The following XKR7 variants were observed in gnomAD, a reference collection of about 807,000 sequenced individuals.
XKR7 encodes XK-related protein 7.
Under a neutral mutation model 42.2 loss-of-function variants are expected in XKR7, and 11 were observed. The observed-to-expected ratio is 0.26, with a 90% CI of 0.16 to 0.43. XKR7 has a LOEUF of 0.43. Ranked by LOEUF, XKR7 falls within the 20% of genes least tolerant of loss-of-function variation. XKR7 has a pLI of 1.00. For missense variants in XKR7, 710 were observed against 802.2 expected (o/e 0.89, Z 1.39); for synonymous variants, 346 against 366.4 (o/e 0.94, Z 0.64).
Position 31,997,806 on chromosome 20 carries a change from G to A in XKR7, c.*349G>A, listed in dbSNP as rs2064602966. The A allele has an allele frequency of 3.4e-6, 1 of 291,098 alleles. No individual in the cohort carries two copies. The highest frequency in any genetic ancestry group is 6.5e-6 in the Non-Finnish European group (1 of 154,726). The allele number at this position is 291,098 out of a possible 1,614,324, so 18.0% of individuals were successfully genotyped here. A position where few individuals can be genotyped will look rare whatever the true frequency, so the allele number is the denominator to read the frequency against. On this transcript the variant is annotated 3_prime_UTR_variant, in exon 3 of 3. Transcript: ENST00000562532. The stretch of plus-strand genomic sequence containing the variant: ...GCCCCTGCTGGACTTGCCAGAGAAA[G>A]GGCACTGTCTGGGGTCCATGACCTA...
rs1334151588 is a variant in XKR7 at position 31,995,224 on chromosome 20, G to A, written c.741G>A (p.Gln247=). Residue 247 remains glutamine, a synonymous_variant, in exon 2 of 3, where the codon CAG becomes CAA. Transcript: ENST00000562532. The surrounding 1 kb of genome is among the most constrained non-coding windows in gnomAD (Gnocchi z 4.1). ...GCAGCGCGCCGCAGCTAGTGCTGCA[G>A]CTCAGCCTGCTGGTGCACCGCGGTG... ...FLRSAPQLVL[Q]LSLLVHRGGA... is the part of the protein sequence containing the mutation. 7 of 1,543,256 alleles carry A rather than the reference G, an allele frequency of 4.5e-6. No individual in the cohort carries two copies. Among genetic ancestry groups the A allele is most frequent in the Non-Finnish European group, 6.1e-6 (7 of 1,146,296 alleles).
rs1286078892 is a variant in XKR7 at position 31,968,966 on chromosome 20, G to C, written c.584+207G>C. On this transcript the variant is annotated intron_variant, in intron 1 of 2. Transcript: ENST00000562532. This position sits in a 1 kb window ranked among gnomAD's most constrained non-coding sequence, Gnocchi z 4.5. ...GCCCTGACCAACCCCAGTGCCATCC[G>C]GTCTGACCTGGCCTTCGAGAGGGGA... 6.7e-6 allele frequency among the ~76,000 whole-genome samples: 1 copy of C among 150,370 alleles called. No homozygotes were observed. The highest frequency in any genetic ancestry group is 1.5e-5 in the Non-Finnish European group (1 of 67,650).
At chr20:31,981,644 AT>A (rs2064513537) in intron 1 of XKR7, among the ~76,000 whole-genome samples, 1 of 152,106 alleles carries the variant, frequency 6.6e-6, no homozygotes, top group South Asian at 2.1e-4. Flanking sequence ...GTGAGCCGAA[AT>A]CGTGCCACTG....
Position 31,997,521 on chromosome 20 carries a change from C to A in XKR7, c.*64C>A. On this transcript the variant is annotated 3_prime_UTR_variant, in exon 3 of 3. Coordinates refer to ENST00000562532, the MANE Select transcript of XKR7 (RefSeq NM_001011718.2). ...ATCCCACATCCGCCGCAGTGTTGTG[C>A]CCCGAATTTCAGGGCCACCAGGCTA... 6.9e-7 allele frequency: 1 copy of A among 1,453,608 alleles called. No individual in the cohort carries two copies. The highest frequency in any genetic ancestry group is 9.2e-7 in the Non-Finnish European group (1 of 1,086,092). The allele number at this position is 1,453,608 out of a possible 1,614,324, so 90.0% of individuals were successfully genotyped here. A position where few individuals can be genotyped will look rare whatever the true frequency, so the allele number is the denominator to read the frequency against.
In XKR7 at chr20:31,997,744, T is replaced by C. The variant is rs74872036; in HGVS notation, c.*287T>C. 6.4e-4 allele frequency: 266 copies of C among 416,240 alleles called. 2 individuals carry two copies. The highest frequency in any genetic ancestry group is 4.5e-3 in the African/African-American group (229 of 50,388). The allele number at this position is 416,240 out of a possible 1,614,324, so 25.8% of individuals were successfully genotyped here. ...CGAGCTGCCCTGCTTTCATGGGGCC[T>C]CCACACCTCTCCCCTGCCTGGCGTT... On this transcript the variant is annotated 3_prime_UTR_variant, in exon 3 of 3. Transcript: ENST00000562532.
rs1484780899 is a variant in XKR7, at chr20:32,002,628, G to A, written c.*5171G>A. 1 of 152,062 alleles carries A rather than the reference G, an allele frequency of 6.6e-6. No homozygotes were observed. The highest frequency in any genetic ancestry group is 1.5e-5 in the Non-Finnish European group (1 of 68,024). 9.4% of individuals were successfully genotyped at this position (152,062 alleles called of 1,614,324 possible). A position where few individuals can be genotyped will look rare whatever the true frequency, so the allele number is the denominator to read the frequency against. ...CTTCCCTGAGGATCCTGTGGTTTAG[G>A]AGATTTTTCTCCCAAACCAGCCTCA... On this transcript the variant is annotated 3_prime_UTR_variant, in exon 3 of 3. Transcript: ENST00000562532.
chr20:31,996,852 C>T lies in XKR7; in HGVS notation c.1135C>T (p.Arg379Cys), dbSNP rs777703586. 9 of 1,613,622 alleles carry T rather than the reference C, an allele frequency of 5.6e-6. No individual in the cohort carries two copies. The highest frequency in any genetic ancestry group is 1.3e-5 in the African/African-American group (1 of 74,904). The change falls in exon 3 of 3, where the codon CGC becomes TGC. Residue 379 changes from arginine (R) to cysteine (C), a missense_variant. By Grantham distance (180) the Arg-to-Cys change is radical. This residue lies in a region of XKR7 where 708 missense variants were observed against 786.2 expected (regional missense o/e 0.90). Transcript: ENST00000562532. ...CTGCTGGTTCAACGTCAAGGAGGGCCGCAGCCGCCGCCGCATGACCCTCTA... is the reference window on the plus strand; with the variant it reads ...CTGCTGGTTCAACGTCAAGGAGGGCTGCAGCCGCCGCCGCATGACCCTCTA... ...IFCWFNVKEG[R>C]SRRRMTLYHC...
At chr20:31,982,169 A>C (rs1293893440) in intron 1 of XKR7, among the ~76,000 whole-genome samples, 1 of 152,162 alleles carries the variant, frequency 6.6e-6, no homozygotes, top group Non-Finnish European at 1.5e-5. Flanking sequence ...TCTGTCTTGC[A>C]CACCATTGTG....
chr20:31,996,421 A>T, intron 2 of XKR7, 84 bp from the exon 3 acceptor site: 1 of 1,033,372 alleles, frequency 9.7e-7, no homozygotes, highest in South Asian at 1.9e-5. Context: ...CCAGCTCCTG[A>T]CCCAGAACCC....
chr20:31,993,719 G>A (rs12481016), intron 1 of XKR7, among the ~76,000 whole-genome samples: 13,266 of 152,212 alleles, frequency 0.087, 611 homozygotes, highest in Middle Eastern at 0.14. Context: ...CACAGCATGG[G>A]GGAGATGTGC....
chr20:31,968,219 A>G lies in XKR7; in HGVS notation c.44A>G (p.Asp15Gly). 3 of 1,161,592 alleles carry G rather than the reference A, an allele frequency of 2.6e-6. No individual in the cohort carries two copies. Among genetic ancestry groups the G allele is most frequent in the Non-Finnish European group, 3.2e-6 (3 of 942,706 alleles). The allele number at this position is 1,161,592 out of a possible 1,614,324, so 72.0% of individuals were successfully genotyped here. A position where few individuals can be genotyped will look rare whatever the true frequency, so the allele number is the denominator to read the frequency against. Residue 15 changes from aspartate (D) to glycine (G), a missense_variant, in exon 1 of 3, where the codon GAC becomes GGC. This residue lies in a region of XKR7 where 708 missense variants were observed against 786.2 expected (regional missense o/e 0.90). Coordinates refer to ENST00000562532, the MANE Select transcript of XKR7 (RefSeq NM_001011718.2). This position sits in a 1 kb window ranked among gnomAD's most constrained non-coding sequence, Gnocchi z 4.5. The part of the protein sequence containing the change: ...SDGAAASASP[D>G]PEGAAGGARG... ...GGAGCGGCGGCCTCGGCCAGCCCGG[A>G]CCCGGAGGGGGCTGCCGGTGGAGCC...
rs1412041280 is a variant in XKR7 at position 31,997,413 on chromosome 20, G to A, written c.1696G>A (p.Val566Met). Residue 566 changes from valine to methionine, a missense_variant, in exon 3 of 3, where the codon GTG becomes ATG. Physicochemically the swap from Val to Met is conservative, Grantham distance 21. Transcript: ENST00000562532. ...CACGCCCCGGTTGCAGTACCGGAGTGTGGGGACTTCCCAGGAGCTGCTGGA... is the reference window on the plus strand; with the variant it reads ...CACGCCCCGGTTGCAGTACCGGAGTATGGGGACTTCCCAGGAGCTGCTGGA... ...PATPRLQYRS[V>M]GTSQELLEYE... 3 of 1,599,292 alleles carry A rather than the reference G, an allele frequency of 1.9e-6. No individual in the cohort carries two copies. The South Asian group carries it at 3.3e-5, about 18-fold the overall frequency.
At position 31,995,367 on chromosome 20, in the gene XKR7, C is replaced by T; in HGVS notation, c.787+97C>T. 1 of 1,509,046 alleles carries T rather than the reference C, an allele frequency of 6.6e-7. No individual in the cohort carries two copies. Among genetic ancestry groups the T allele is most frequent in the Non-Finnish European group, 8.8e-7 (1 of 1,135,044 alleles). 93.5% of individuals were successfully genotyped at this position (1,509,046 alleles called of 1,614,324 possible). A position where few individuals can be genotyped will look rare whatever the true frequency, so the allele number is the denominator to read the frequency against. On this transcript the variant is annotated intron_variant, in intron 2 of 2. Transcript: ENST00000562532. This position sits in a 1 kb window ranked among gnomAD's most constrained non-coding sequence, Gnocchi z 4.1. ...GGGGATGCCCTGTGGGCTTCCCCAC[C>T]CCAGCTCAGGGCTCACTCAGTCAGG...
At chr20:31,975,343 C>G (rs2064480373) in intron 1 of XKR7, among the ~76,000 whole-genome samples, 1 of 151,732 alleles carries the variant, frequency 6.6e-6, no homozygotes, top group Non-Finnish European at 1.5e-5. Flanking sequence ...GATCTTTTGT[C>G]TTTCCTCCCT....
rs1161071001 is a variant in XKR7 at position 31,968,385 on chromosome 20, C to G, written c.210C>G (p.Asp70Glu). 3.7e-6 allele frequency: 6 copies of G among 1,613,090 alleles called. No individual in the cohort carries two copies. Among genetic ancestry groups the G allele is most frequent in the Non-Finnish European group, 5.1e-6 (6 of 1,179,710 alleles). The change falls in exon 1 of 3, where the codon GAC becomes GAG. Residue 70 changes from aspartate (D) to glutamate (E), a missense_variant. Physicochemically the swap from Asp to Glu is conservative, Grantham distance 45 (BLOSUM62 2). Transcript: ENST00000562532. This position sits in a 1 kb window ranked among gnomAD's most constrained non-coding sequence, Gnocchi z 4.5. Reference protein sequence around the residue: ...VLCALLVFFSDGATDLWLAAS... With the variant: ...VLCALLVFFSEGATDLWLAAS... ...GCGCGCTGCTCGTGTTCTTCTCCGA[C>G]GGTGCCACGGACCTGTGGCTGGCGG...
intron 1 of XKR7, among the ~76,000 whole-genome samples, chr20:31,974,491 C>G (rs1208537524): frequency 6.6e-6 from 1 of 152,200 alleles, no homozygotes; most frequent in South Asian, 2.1e-4. Flanking sequence ...TTGTCTGTGC[C>G]TTGATTTTCT....
Position 31,996,670 on chromosome 20 carries a change from C to T in XKR7, c.953C>T (p.Ala318Val), listed in dbSNP as rs758370039. 1 of 1,602,600 alleles carries T rather than the reference C, an allele frequency of 6.2e-7. No homozygotes were observed. The highest frequency in any genetic ancestry group is 8.5e-7 in the Non-Finnish European group (1 of 1,173,432). ...ATTGCCGCCCGCGGCCTGGCCTTCG[C>T]GCTCTTCGCCAGCGTCTACAAGCTC... is the stretch of plus-strand genomic sequence containing the variant. ...FSIAARGLAF[A>V]LFASVYKLYF... is the part of the protein sequence containing the mutation. Residue 318 changes from alanine (A) to valine (V), a missense_variant, in exon 3 of 3, where the codon GCG becomes GTG. Ala to Val is a moderately conservative substitution (Grantham distance 64). Around this residue, in one of 2 missense-constraint regions of XKR7, gnomAD observed 708 missense variants for 786.2 expected, o/e 0.90. Coordinates refer to ENST00000562532, the MANE Select transcript of XKR7 (RefSeq NM_001011718.2).
intron 1 of XKR7, among the ~76,000 whole-genome samples, chr20:31,973,799 T>C (rs1384654526): frequency 3.3e-5 from 5 of 152,284 alleles, no homozygotes; most frequent in Middle Eastern, 3.4e-3. Context: ...GGACTAGGGC[T>C]TTTACTCTTC....
intron 1 of XKR7, among the ~76,000 whole-genome samples, chr20:31,991,039 C>T (rs1296885646): frequency 6.6e-6 from 1 of 152,210 alleles, no homozygotes; most frequent in African/African-American, 2.4e-5. Flanking sequence ...CACTGTGGCC[C>T]TGGGCTGTGT....
Sources: gnomAD v4.1 joint callset for allele counts (sites outside exome capture counted in the v4.1 genomes callset) on GRCh38, gnomAD v4.1.1 for gene constraint, gnomAD v4.1.1 regional missense constraint, Gnocchi (gnomAD v3.1) non-coding constraint, MANE v1.5 for transcripts, NCBI Gene and HGNC (gene_info 2026-07-23, HGNC 2026-07-21) for gene names.